The following ZMAT4 variants were observed in gnomAD, a reference collection of about 807,000 sequenced individuals.
The protein encoded by ZMAT4 is zinc finger matrin-type 4.
Under a neutral mutation model 28.7 loss-of-function variants are expected in ZMAT4, and 17 were observed. The observed-to-expected ratio is 0.59, with a 90% confidence interval of 0.41 to 0.89. ZMAT4 has a LOEUF of 0.89. Among genes scored for constraint, ZMAT4 ranks in the 40% least tolerant of loss-of-function variants. The pLI, the probability that ZMAT4 is intolerant of heterozygous loss-of-function variation, is 0.00. For synonymous variants in ZMAT4, 117 were observed against 109.2 expected (o/e 1.07, Z -0.44); for missense variants, 240 against 283.8 (o/e 0.85, Z 1.11).
intron 2 of ZMAT4, among the ~76,000 whole-genome samples, chr8:40,784,328 A>T (rs1227763804): frequency 6.6e-6 from 1 of 152,198 alleles, no homozygotes; most frequent in Non-Finnish European, 1.5e-5. Context: ...CTGCATATCT[A>T]AATCAATGCG....
intron 6 of ZMAT4, among the ~76,000 whole-genome samples, chr8:40,570,152 A>C (rs75803072): frequency 0.11 from 16,558 of 152,218 alleles, 1,157 homozygotes; most frequent in Admixed American, 0.2. Context: ...AGCATGCCAT[A>C]TTATTCCATT....
At chr8:40,832,351 T>C (rs1816313530) in intron 1 of ZMAT4, among the ~76,000 whole-genome samples, 1 of 152,208 alleles carries the variant, frequency 6.6e-6, no homozygotes, top group African/African-American at 2.4e-5. Flanking sequence ...CTGGACATTC[T>C]AGTTCTGCTT....
At chr8:40,821,440 C>CGAGT (rs139479058) in intron 2 of ZMAT4, among the ~76,000 whole-genome samples, 1 of 151,532 alleles carries the variant, frequency 6.6e-6, no homozygotes, top group Non-Finnish European at 1.5e-5. Flanking sequence ...TAACGCTTAG[C>CGAGT]AAGAAAAATA....
intron 6 of ZMAT4, among the ~76,000 whole-genome samples, chr8:40,562,962 TTCC>T (rs1455855194): frequency 5.9e-5 from 9 of 152,186 alleles, no homozygotes; most frequent in African/African-American, 1.4e-4. Flanking sequence ...TGTGTGTTTA[TTCC>T]TCAAGTTCCT....
intron 4 of ZMAT4, among the ~76,000 whole-genome samples, chr8:40,685,715 C>T (rs1023621589): frequency 1.3e-5 from 2 of 152,118 alleles, no homozygotes; most frequent in African/African-American, 4.8e-5. Context: ...AAGCACTAGG[C>T]AGCTGATTAA....
intron 1 of ZMAT4, among the ~76,000 whole-genome samples, chr8:40,846,015 C>T (rs892280194): frequency 6.6e-6 from 1 of 152,018 alleles, no homozygotes. Context: ...CTTTCAAACT[C>T]CAGAGAGAGC....
intron 1 of ZMAT4, among the ~76,000 whole-genome samples, chr8:40,880,408 G>A (rs959566067): frequency 6.6e-6 from 1 of 151,004 alleles, no homozygotes; most frequent in Non-Finnish European, 1.5e-5. Context: ...AAAAAATCAC[G>A]CTTTCCAGAA....
chr8:40,647,308 G>A (rs1300564589), intron 5 of ZMAT4, among the ~76,000 whole-genome samples: 2 of 152,276 alleles, frequency 1.3e-5, no homozygotes, highest in East Asian at 1.9e-4. Context: ...CAAAGAAAGG[G>A]GTGACAGACA....
chr8:40,731,816 C>G (rs1257800453), intron 3 of ZMAT4, among the ~76,000 whole-genome samples: 1 of 152,160 alleles, frequency 6.6e-6, no homozygotes, highest in Non-Finnish European at 1.5e-5. Flanking sequence ...CAGGTGGAAG[C>G]AATTCAGTGT....
chr8:40,561,298 C>T (rs1265597690), intron 6 of ZMAT4, among the ~76,000 whole-genome samples: 2 of 151,990 alleles, frequency 1.3e-5, no homozygotes, highest in Admixed American at 6.6e-5. Flanking sequence ...AACTATCCTG[C>T]TGTGTAGTGT....
chr8:40,603,484 A>G (rs1805468290), intron 5 of ZMAT4, among the ~76,000 whole-genome samples: 1 of 152,158 alleles, frequency 6.6e-6, no homozygotes. Context: ...ATTTTGAAGG[A>G]AATTACATTG....
At chr8:40,837,567 G>A (rs1432984711) in intron 1 of ZMAT4, among the ~76,000 whole-genome samples, 1 of 152,118 alleles carries the variant, frequency 6.6e-6, no homozygotes, top group African/African-American at 2.4e-5. Context: ...TGCTTTGTAG[G>A]GGAGCATTGG....
intron 1 of ZMAT4, among the ~76,000 whole-genome samples, chr8:40,858,187 G>A (rs534665193): frequency 6.6e-6 from 1 of 152,162 alleles, no homozygotes; most frequent in African/African-American, 2.4e-5. Context: ...CATGAAAACG[G>A]GAATGTCAAA....
rs111879839 is a variant in ZMAT4 at position 40,727,039 on chromosome 8, A to ACAAGTT, written c.193-29639_193-29638insAACTTG. On this transcript the variant is annotated intron_variant, in intron 3 of 6. Transcript: ENST00000297737. Reference sequence around the variant, plus strand: ...CGGAAGGATACTTTCAAGTACAAGTACAAGAAAACCCTAAACCAACTGGCT... The same window carrying ACAAGTT: ...CGGAAGGATACTTTCAAGTACAAGTACAAGTTCAAGAAAACCCTAAACCAACTGGCT... Among the ~76,000 whole-genome samples, 937 of 152,336 alleles carry ACAAGTT rather than the reference A, an allele frequency of 6.2e-3. 7 individuals carry two copies. The highest frequency in any genetic ancestry group is 0.022 in the African/African-American group (903 of 41,574).
intron 5 of ZMAT4, among the ~76,000 whole-genome samples, chr8:40,606,853 G>T (rs1318773119): frequency 6.6e-6 from 1 of 151,934 alleles, no homozygotes; most frequent in African/African-American, 2.4e-5. Flanking sequence ...TCTTATGTTT[G>T]GTCATCTAAC....
At chr8:40,761,656 G>A (rs1158609886) in intron 3 of ZMAT4, among the ~76,000 whole-genome samples, 1 of 151,976 alleles carries the variant, frequency 6.6e-6, no homozygotes, top group Non-Finnish European at 1.5e-5. Flanking sequence ...ATTTTTTTCT[G>A]TGTCCTTTAC....
At chr8:40,813,411 C>G (rs755795991) in intron 2 of ZMAT4, among the ~76,000 whole-genome samples, 1 of 152,202 alleles carries the variant, frequency 6.6e-6, no homozygotes, top group Non-Finnish European at 1.5e-5. Flanking sequence ...GGCTTTCTGA[C>G]CCTGAGTACA....
intron 6 of ZMAT4, among the ~76,000 whole-genome samples, chr8:40,560,781 C>T (rs908094053): frequency 3.9e-5 from 6 of 152,270 alleles, no homozygotes; most frequent in African/African-American, 1.2e-4. Flanking sequence ...AATGCCCCCA[C>T]TGTCACTCAT....
chr8:40,700,079 A>G (rs1810066153), intron 3 of ZMAT4, among the ~76,000 whole-genome samples: 2 of 152,194 alleles, frequency 1.3e-5, no homozygotes, highest in Admixed American at 6.5e-5. Context: ...ATTTTTAAGG[A>G]CCTACTAATT....
Sources: gnomAD v4.1 joint callset for allele counts (sites outside exome capture counted in the v4.1 genomes callset) on GRCh38, gnomAD v4.1.1 for gene constraint, MANE v1.5 for transcripts, NCBI Gene and HGNC (gene_info 2026-07-23, HGNC 2026-07-21) for gene names.